The following MSRB3 variants were observed in gnomAD, a reference collection of about 807,000 sequenced individuals.
MSRB3 encodes the protein methionine sulfoxide reductase B3, also known as methionine-R-sulfoxide reductase B3.
MSRB3 carries 13 observed loss-of-function variants against 21.0 expected under a neutral mutation model. The observed-to-expected ratio is 0.62, with a 90% CI of 0.40 to 0.98. MSRB3 has a LOEUF of 0.98. MSRB3 is among the 50% of genes least tolerant of loss of function. The probability of loss-of-function intolerance (pLI) is 0.00; values close to 1 mark genes in which losing one functional copy is unlikely to be tolerated. For missense variants in MSRB3, 199 were observed against 230.3 expected, an observed-to-expected ratio of 0.86 and a Z score of 0.88; for synonymous variants, 87 against 88.6, an observed-to-expected ratio of 0.98 and a Z score of 0.10.
chr12:65,353,745 T>A (rs950564156), intron 4 of MSRB3, among the ~76,000 whole-genome samples: 2 of 152,156 alleles, frequency 1.3e-5, no homozygotes, highest in Non-Finnish European at 2.9e-5. Flanking sequence ...AATGTTATTA[T>A]GTGTGAATTT....
intron 1 of MSRB3, chr12:65,306,920 C>T: frequency 5.1e-6 from 5 of 985,800 alleles, no homozygotes; most frequent in South Asian, 4.7e-5. Flanking sequence ...AGATGGCCAC[C>T]GTGGTTGGTA....
intron 2 of MSRB3, among the ~76,000 whole-genome samples, chr12:65,318,505 AT>A (rs928875635): frequency 1.3e-4 from 19 of 151,162 alleles, no homozygotes; most frequent in East Asian, 3.9e-4. Context: ...TCTGTTTTTA[AT>A]TTTTTTTTAT....
intron 5 of MSRB3, among the ~76,000 whole-genome samples, chr12:65,436,983 A>T (rs184441935): frequency 4.6e-5 from 7 of 152,094 alleles, no homozygotes; most frequent in Non-Finnish European, 1.0e-4. Context: ...GGATGTGTAC[A>T]CAATATATAC....
intron 5 of MSRB3, among the ~76,000 whole-genome samples, chr12:65,422,883 C>T (rs571170507): frequency 1.1e-4 from 16 of 150,502 alleles, no homozygotes; most frequent in South Asian, 6.3e-4. Context: ...AACTGAGTTT[C>T]GTATGTTGAT....
intron 2 of MSRB3, among the ~76,000 whole-genome samples, chr12:65,323,812 A>G (rs1216039525): frequency 2.0e-5 from 3 of 152,156 alleles, no homozygotes; most frequent in Non-Finnish European, 2.9e-5. Flanking sequence ...ATATATACCA[A>G]TATTTGGTTC....
chr12:65,332,695 G>C (rs576286358), intron 4 of MSRB3, among the ~76,000 whole-genome samples: 3 of 152,218 alleles, frequency 2.0e-5, no homozygotes, highest in African/African-American at 7.2e-5. Context: ...CACACTTAAA[G>C]TATATGTGTG....
At chr12:65,356,283 T>G (rs1431541050) in intron 4 of MSRB3, among the ~76,000 whole-genome samples, 1 of 151,926 alleles carries the variant, frequency 6.6e-6, no homozygotes, top group African/African-American at 2.4e-5. Context: ...ATAATAGTTT[T>G]AATAAGTTCA....
intron 2 of MSRB3, among the ~76,000 whole-genome samples, chr12:65,314,391 T>G (rs1480690658): frequency 6.6e-6 from 1 of 152,130 alleles, no homozygotes; most frequent in Non-Finnish European, 1.5e-5. Flanking sequence ...ATGAAAATAT[T>G]TTAGAAAACT....
At chr12:65,455,520 T>A (rs1883048766) in intron 6 of MSRB3, among the ~76,000 whole-genome samples, 1 of 152,156 alleles carries the variant, frequency 6.6e-6, no homozygotes, top group Non-Finnish European at 1.5e-5. Context: ...TAGGTCCTTT[T>A]TTCTCTCTGT....
At chr12:65,367,477 T>C (rs1329116003) in intron 4 of MSRB3, among the ~76,000 whole-genome samples, 1 of 152,250 alleles carries the variant, frequency 6.6e-6, no homozygotes, top group Non-Finnish European at 1.5e-5. Context: ...AGAAAGGGCA[T>C]GCATAGATGC....
In MSRB3 at chr12:65,463,264, C is replaced by T; in HGVS notation, c.500C>T (p.Thr167Ile). ...TTTACACCTGCGGATAGCAGTGGCA[C>T]CGCCGAGGGAGGCAGTGGGGTCGCC... ...LSFTPADSSG[T>I]AEGGSGVASP... Residue 167 changes from threonine (T) to isoleucine (I), a missense_variant, in exon 7 of 7, where the codon ACC becomes ATC. Thr to Ile is a moderately conservative substitution (Grantham distance 89, BLOSUM62 -1). Coordinates refer to ENST00000308259, the MANE Select transcript of MSRB3 (RefSeq NM_001031679.3). The T allele has an allele frequency of 1.2e-6, 2 of 1,614,188 alleles. No individual in the cohort carries two copies. The highest frequency in any genetic ancestry group is 1.7e-6 in the Non-Finnish European group (2 of 1,180,050).
At chr12:65,306,935 C>T (rs1456834724) in intron 1 of MSRB3, 1 of 985,818 alleles carries the variant, frequency 1.0e-6, no homozygotes, top group Non-Finnish European at 1.2e-6. Flanking sequence ...TTGGTAGGCG[C>T]CCAGGCTGCC....
At chr12:65,415,685 G>A (rs1880932941) in intron 5 of MSRB3, among the ~76,000 whole-genome samples, 1 of 152,110 alleles carries the variant, frequency 6.6e-6, no homozygotes, top group South Asian at 2.1e-4. Context: ...TAAAATATAA[G>A]GTTGTATACT....
intron 5 of MSRB3, among the ~76,000 whole-genome samples, chr12:65,381,982 G>A (rs1878962967): frequency 6.6e-6 from 1 of 151,912 alleles, no homozygotes; most frequent in African/African-American, 2.4e-5. Context: ...TCACACAATA[G>A]CATGTAATAA....
intron 6 of MSRB3, among the ~76,000 whole-genome samples, chr12:65,457,377 A>C (rs1453321757): frequency 6.6e-6 from 1 of 151,918 alleles, no homozygotes; most frequent in Admixed American, 6.6e-5. Flanking sequence ...CCTAGCCCCC[A>C]ATCACCTGAC....
At chr12:65,428,774 C>T (rs557802835) in intron 5 of MSRB3, among the ~76,000 whole-genome samples, 1 of 152,300 alleles carries the variant, frequency 6.6e-6, no homozygotes, top group African/African-American at 2.4e-5. Context: ...TTCCCACCCC[C>T]ATCTTTAGCA....
intron 2 of MSRB3, among the ~76,000 whole-genome samples, chr12:65,320,626 G>A (rs1874602458): frequency 6.6e-6 from 1 of 152,284 alleles, no homozygotes; most frequent in South Asian, 2.1e-4. Context: ...AGTGGACAAA[G>A]CAAATTAGCA....
At chr12:65,380,932 A>T (rs1007209920) in intron 5 of MSRB3, among the ~76,000 whole-genome samples, 15 of 152,158 alleles carry the variant, frequency 9.9e-5, no homozygotes, top group South Asian at 2.1e-4. Context: ...TTAGTCATAC[A>T]CCCTATTCCC....
At chr12:65,384,212 A>G (rs1234147556) in intron 5 of MSRB3, among the ~76,000 whole-genome samples, 2 of 152,102 alleles carry the variant, frequency 1.3e-5, no homozygotes, top group Non-Finnish European at 2.9e-5. Flanking sequence ...TGCCTTTTCT[A>G]TTTTATTCTT....
Sources: allele counts gnomAD v4.1 joint callset (sites outside exome capture counted in the v4.1 genomes callset), GRCh38; gene constraint gnomAD v4.1.1; transcripts MANE v1.5; gene names NCBI Gene and HGNC (gene_info 2026-07-23, HGNC 2026-07-21).